The following CPT1A variants were observed in gnomAD, a reference collection of about 807,000 sequenced individuals.
The protein encoded by CPT1A is carnitine palmitoyltransferase 1A.
Under a neutral mutation model 100.8 loss-of-function variants are expected in CPT1A, and 64 were observed. That is an observed-to-expected ratio of 0.63 (90% CI 0.52 to 0.78). CPT1A has a LOEUF of 0.78. Ranked by LOEUF, CPT1A falls within the 30% of genes least tolerant of loss-of-function variation. The probability of loss-of-function intolerance (pLI) is 0.00; values close to 1 mark genes in which losing one functional copy is unlikely to be tolerated. For synonymous variants in CPT1A, 363 were observed against 396.0 expected (o/e 0.92, Z 0.99); for missense variants, 802 against 1,034.1 (o/e 0.78, Z 3.08).
intron 1 of CPT1A, among the ~76,000 whole-genome samples, chr11:68,827,969 G>C (rs552918819): frequency 1.3e-5 from 2 of 152,270 alleles, no homozygotes; most frequent in South Asian, 4.2e-4. Context: ...GAACTTCTCT[G>C]TTCACTTTTT....
At chr11:68,780,496 C>A (rs1159156591) in intron 12 of CPT1A, 144 bp downstream of exon 12, 1 of 680,228 alleles carries the variant, frequency 1.5e-6, no homozygotes, top group Non-Finnish European at 2.7e-6. Context: ...GTTGGCCAGG[C>A]TGGTCTTGAA....
intron 14 of CPT1A, among the ~76,000 whole-genome samples, chr11:68,769,439 TAG>T (rs1034325874): frequency 2.3e-4 from 34 of 148,014 alleles, no homozygotes; most frequent in Admixed American, 4.1e-4. Flanking sequence ...TTTGTACAGA[TAG>T]AGTCTCCCCA....
chr11:68,816,976 T>TG (rs367736741), intron 1 of CPT1A, among the ~76,000 whole-genome samples: 10 of 80,806 alleles, frequency 1.2e-4, no homozygotes, highest in Non-Finnish European at 6.8e-5. Context: ...GTGTGTGGTG[T>TG]GGGGGGGTGC....
rs764443409 is a variant in CPT1A at position 68,781,866 on chromosome 11, C to T, written c.1257G>A (p.Thr419=). The part of the protein sequence containing the change: ...DAVEKAAFFV[T]LDETEEGYRS... The stretch of plus-strand genomic sequence containing the variant: ...TGTATCCTTCTTCAGTTTCATCTAA[C>T]GTCACAAAGAACGCTGCTTTCTCCA... Residue 419 remains threonine, a synonymous_variant, in exon 11 of 19, where the codon ACG becomes ACA. Transcript: ENST00000265641. 3.4e-5 allele frequency: 55 copies of T among 1,613,960 alleles called. No homozygotes were observed. In the Admixed American group the frequency reaches 7.2e-4, roughly 21 times the overall value.
chr11:68,773,326 T>C lies in CPT1A; in HGVS notation c.1679A>G (p.Lys560Arg), dbSNP rs1414012542. 6.2e-7 allele frequency: 1 copy of C among 1,614,068 alleles called. No individual in the cohort carries two copies. The highest frequency in any genetic ancestry group is 8.5e-7 in the Non-Finnish European group (1 of 1,180,044). The change falls in exon 14 of 19, where the codon AAG becomes AGG. Residue 560 changes from lysine to arginine, a missense_variant. By Grantham distance (26) the Lys-to-Arg change is conservative (BLOSUM62 2). Transcript: ENST00000265641. The part of the protein sequence containing the change: ...PFVAFGKGII[K>R]KCRTSPDAFV... ...GGCGTCTGGGCTCGTGCGACATTTC[T>C]TGATGATTCCTTTACCAAAGGCTAC...
At chr11:68,804,167 G>T in intron 4 of CPT1A, 66 bp from the exon 5 acceptor site, 1 of 1,264,426 alleles carries the variant, frequency 7.9e-7, no homozygotes. Context: ...GTTCTCGTCT[G>T]ATCTCGTGAA....
chr11:68,820,519 C>G (rs1856554150), intron 1 of CPT1A, among the ~76,000 whole-genome samples: 1 of 151,850 alleles, frequency 6.6e-6, no homozygotes, highest in Non-Finnish European at 1.5e-5. Flanking sequence ...CCTGTCTTTA[C>G]TAAAAATACA....
intron 10 of CPT1A, among the ~76,000 whole-genome samples, chr11:68,782,523 T>C (rs1855340892): frequency 6.6e-6 from 1 of 152,206 alleles, no homozygotes; most frequent in Non-Finnish European, 1.5e-5. Flanking sequence ...CCCAGGTGCA[T>C]TCCACAGATG....
chr11:68,781,052 T>G (rs1855297260), intron 11 of CPT1A, among the ~76,000 whole-genome samples: 2 of 152,198 alleles, frequency 1.3e-5, no homozygotes, highest in Admixed American at 1.3e-4. Context: ...CATGACCCCT[T>G]CATCAGCCAA....
chr11:68,792,852 C>A (rs1855655517), intron 9 of CPT1A, among the ~76,000 whole-genome samples: 1 of 152,164 alleles, frequency 6.6e-6, no homozygotes, highest in Non-Finnish European at 1.5e-5. Context: ...AGTTTGAGAT[C>A]AGCCTGGGCA....
intron 5 of CPT1A, among the ~76,000 whole-genome samples, chr11:68,803,382 A>T (rs1202387722): frequency 6.6e-6 from 1 of 152,182 alleles, no homozygotes; most frequent in East Asian, 1.9e-4. Context: ...GACTGCAATC[A>T]TTTAATACAA....
At chr11:68,754,684 T>C (rs1946660649), downstream of CPT1A, 6 of 700,064 alleles carry the variant, frequency 8.6e-6, no homozygotes, top group Admixed American at 2.0e-5. Flanking sequence ...ATTGAGGCAA[T>C]GGAATGGATG....
At chr11:68,779,491 T>TAAAAA (rs369619747) in intron 12 of CPT1A, among the ~76,000 whole-genome samples, 14 of 86,922 alleles carry the variant, frequency 1.6e-4, no homozygotes, top group African/African-American at 1.8e-4. Flanking sequence ...AACGAATTAT[T>TAAAAA]AAAAAAAAAA....
intron 14 of CPT1A, among the ~76,000 whole-genome samples, chr11:68,771,221 C>T (rs183278600): frequency 6.6e-5 from 10 of 152,320 alleles, no homozygotes; most frequent in South Asian, 4.1e-4. Flanking sequence ...CTTGAGTCAA[C>T]GTCACCAATT....
intron 1 of CPT1A, among the ~76,000 whole-genome samples, chr11:68,817,394 C>G (rs1194361284): frequency 5.9e-5 from 9 of 152,096 alleles, no homozygotes; most frequent in Non-Finnish European, 1.3e-4. Flanking sequence ...GTCCATATTA[C>G]AAATATTTGT....
chr11:68,793,275 G>A (rs1200552937), intron 9 of CPT1A, 40 bp downstream of exon 9: 2 of 1,478,976 alleles, frequency 1.4e-6, no homozygotes, highest in South Asian at 2.3e-5. Flanking sequence ...GGGATGGAAA[G>A]TGCCGATTCT....
intron 18 of CPT1A, among the ~76,000 whole-genome samples, chr11:68,758,634 T>C (rs1037991690): frequency 7.9e-5 from 12 of 151,280 alleles, no homozygotes; most frequent in Admixed American, 1.3e-4. Flanking sequence ...TTTTTTTTTT[T>C]CTGAGACGGA....
At chr11:68,773,660 G>A (rs565012051) in intron 13 of CPT1A, 3 of 579,082 alleles carry the variant, frequency 5.2e-6, no homozygotes, top group East Asian at 3.4e-5. Context: ...AGCAGGCCAG[G>A]AGAGGGCTTC....
chr11:68,760,283 T>C lies in CPT1A; in HGVS notation c.2084A>G (p.Glu695Gly), dbSNP rs1264713147. Residue 695 changes from glutamate to glycine, a missense_variant, in exon 17 of 19, where the codon GAG becomes GGG. Coordinates refer to ENST00000265641, the MANE Select transcript of CPT1A (RefSeq NM_001876.4). ...TGGGTTATTCTCCAAGTCAAACAGC[T>C]CCACTTGCTGCTGAGGGGTCTGGCT... ...STSQTPQQQVELFDLENNPEY... is the reference protein window; with the variant it reads ...STSQTPQQQVGLFDLENNPEY... The C allele has an allele frequency of 6.2e-7, 1 of 1,612,956 alleles. No homozygotes were observed. The highest frequency in any genetic ancestry group is 1.3e-5 in the African/African-American group (1 of 75,006).
Sources: allele counts gnomAD v4.1 joint callset (sites outside exome capture counted in the v4.1 genomes callset), GRCh38; gene constraint gnomAD v4.1.1; transcripts MANE v1.5; gene names NCBI Gene and HGNC (gene_info 2026-07-23, HGNC 2026-07-21).